Variants in MYO3A observed in about 807,000 individuals in gnomAD.
MYO3A encodes myosin-IIIa.
In MYO3A, 180 loss-of-function variants were observed where a neutral mutation model predicts 192.7. The observed-to-expected ratio is 0.93, with a 90% CI of 0.83 to 1.06. The LOEUF (loss-of-function observed/expected upper bound fraction) is 1.06, where lower values mean the gene tolerates loss of function less well. Ranked by LOEUF, MYO3A falls within the 50% of genes least tolerant of loss-of-function variation. The pLI is 0.00. For missense variants in MYO3A, 1,896 were observed against 1,905.0 expected, an observed-to-expected ratio of 1.00 and a Z score of 0.09; for synonymous variants, 628 against 645.3, an observed-to-expected ratio of 0.97 and a Z score of 0.41.
intron 6 of MYO3A, among the ~76,000 whole-genome samples, chr10:26,010,054 A>G (rs985303580): frequency 6.6e-6 from 1 of 152,246 alleles, no homozygotes; most frequent in South Asian, 2.1e-4. Flanking sequence ...TGATGCAGAC[A>G]GAGCTAGGTG....
At chr10:26,068,402 A>C (rs1306047983) in intron 11 of MYO3A, among the ~76,000 whole-genome samples, 1 of 152,176 alleles carries the variant, frequency 6.6e-6, no homozygotes, top group Non-Finnish European at 1.5e-5. Context: ...ATTTGGAATT[A>C]AATCATATTC....
chr10:25,994,134 T>C (rs577489305), intron 4 of MYO3A, among the ~76,000 whole-genome samples: 7 of 152,262 alleles, frequency 4.6e-5, no homozygotes, highest in Non-Finnish European at 1.0e-4. Flanking sequence ...CCCATTATTA[T>C]TGTGTGGGAG....
rs1254284826 is a variant in MYO3A, at chr10:26,016,671, G to C, written c.509-149G>C. The C allele has an allele frequency of 3.9e-6, 3 of 768,720 alleles. No homozygotes were observed. In the African/African-American group the frequency reaches 5.2e-5, roughly 13 times the overall value. The allele number at this position is 768,720 out of a possible 1,614,324, so 47.6% of individuals were successfully genotyped here. On this transcript the variant is annotated intron_variant, in intron 6 of 34. Coordinates refer to ENST00000642920, the MANE Select transcript of MYO3A (RefSeq NM_017433.5). The stretch of plus-strand genomic sequence containing the variant: ...TGGTTTTTGGCTCTGCAGAAATCCT[G>C]ATTTAGGATCCTTTAATGTGACACT...
At chr10:26,115,218 T>A (rs1392148968) in intron 17 of MYO3A, among the ~76,000 whole-genome samples, 3 of 152,120 alleles carry the variant, frequency 2.0e-5, no homozygotes, top group African/African-American at 7.2e-5. Flanking sequence ...CTGACAGCCG[T>A]GTGGAAGACG....
At chr10:26,163,755 G>A (rs893766195) in intron 26 of MYO3A, among the ~76,000 whole-genome samples, 2 of 152,168 alleles carry the variant, frequency 1.3e-5, no homozygotes, top group African/African-American at 4.8e-5. Flanking sequence ...TCAACAGTTA[G>A]GGTTGATGGT....
intron 2 of MYO3A, among the ~76,000 whole-genome samples, chr10:25,951,139 G>C (rs1837186066): frequency 6.6e-6 from 1 of 152,064 alleles, no homozygotes; most frequent in Admixed American, 6.5e-5. Flanking sequence ...AATGATATCA[G>C]ATACATAAAT....
rs77096061 is a variant in MYO3A at position 26,147,622 on chromosome 10, G to A, written c.2635+63G>A. On this transcript the variant is annotated intron_variant, in intron 23 of 34. Transcript: ENST00000642920. Reference sequence around the variant, plus strand: ...CCAATCAAATAGTTTCTATCTCTGCGCTTTTCACTAATTTCATCCTTAATT... The same window carrying A: ...CCAATCAAATAGTTTCTATCTCTGCACTTTTCACTAATTTCATCCTTAATT... 1.5e-5 allele frequency: 24 copies of A among 1,607,096 alleles called. No individual in the cohort carries two copies. The South Asian group carries it at 1.6e-4, about 11-fold the overall frequency.
At chr10:26,014,681 G>A (rs1841884115) in intron 6 of MYO3A, among the ~76,000 whole-genome samples, 1 of 152,026 alleles carries the variant, frequency 6.6e-6, no homozygotes, top group Non-Finnish European at 1.5e-5. Context: ...CTATCACAGT[G>A]TCTTAACCTC....
intron 30 of MYO3A, among the ~76,000 whole-genome samples, chr10:26,174,957 T>A (rs1232118768): frequency 6.6e-6 from 1 of 152,136 alleles, no homozygotes. Context: ...TGAGAAGACA[T>A]AATTAGGTAT....
chr10:26,002,893 A>C (rs183447082), intron 6 of MYO3A, among the ~76,000 whole-genome samples: 1 of 152,260 alleles, frequency 6.6e-6, no homozygotes. Flanking sequence ...ACCAGTTGTC[A>C]GACTTCACTG....
intron 6 of MYO3A, among the ~76,000 whole-genome samples, chr10:26,006,596 C>T (rs982909266): frequency 2.2e-4 from 33 of 152,248 alleles, no homozygotes; most frequent in African/African-American, 7.0e-4. Flanking sequence ...GAGAATAGTA[C>T]AAACACCTCT....
At chr10:26,179,076 C>G (rs1327867963) in intron 31 of MYO3A, among the ~76,000 whole-genome samples, 1 of 148,474 alleles carries the variant, frequency 6.7e-6, no homozygotes, top group Non-Finnish European at 1.5e-5. Flanking sequence ...GGGATTACAC[C>G]GTGCCCAGCC....
chr10:26,171,646 C>A (rs1054828672), intron 29 of MYO3A, among the ~76,000 whole-genome samples: 1 of 152,088 alleles, frequency 6.6e-6, no homozygotes, highest in Non-Finnish European at 1.5e-5. Flanking sequence ...TTGTGAGGAT[C>A]CAAATGATTT....
rs535264383 is a variant in MYO3A, at chr10:26,063,240, A to G, written c.954-3735A>G. On this transcript the variant is annotated intron_variant, in intron 10 of 34. Transcript: ENST00000642920. ...ACAGTCCAAAGAAGTGTGATTGGAG[A>G]GAATTTTTTGTTTTCATATTTTATT... Among the ~76,000 whole-genome samples, 77 of 152,266 alleles carry G rather than the reference A, an allele frequency of 5.1e-4. No individual in the cohort carries two copies. In the Middle Eastern group the frequency reaches 0.017, roughly 34 times the overall value.
At chr10:26,200,459 T>C (rs1843630907) in intron 32 of MYO3A, among the ~76,000 whole-genome samples, 2 of 152,186 alleles carry the variant, frequency 1.3e-5, no homozygotes, top group Non-Finnish European at 2.9e-5. Flanking sequence ...TTTCTCAGCC[T>C]AAAAGACAAA....
intron 10 of MYO3A, among the ~76,000 whole-genome samples, chr10:26,036,392 A>C (rs984120298): frequency 5.9e-5 from 9 of 152,178 alleles, no homozygotes; most frequent in African/African-American, 2.2e-4. Context: ...AATCATCAAC[A>C]TAGTGATGTT....
chr10:26,139,233 T>C (rs188170098), intron 20 of MYO3A, among the ~76,000 whole-genome samples: 12 of 152,246 alleles, frequency 7.9e-5, no homozygotes, highest in Non-Finnish European at 1.5e-5. Flanking sequence ...CAAAAATAGA[T>C]TAAAAATATA....
At chr10:26,206,122 A>G (rs148843806) in intron 34 of MYO3A, among the ~76,000 whole-genome samples, 106 of 149,678 alleles carry the variant, frequency 7.1e-4, no homozygotes, top group African/African-American at 2.5e-3. Context: ...GTTCAGTGGC[A>G]TGATCTCAGC....
At chr10:26,007,117 C>T (rs1387059897) in intron 6 of MYO3A, among the ~76,000 whole-genome samples, 1 of 148,434 alleles carries the variant, frequency 6.7e-6, no homozygotes, top group Non-Finnish European at 1.5e-5. Context: ...ATCAACAGAA[C>T]CGAAGACAAA....
Sources: allele counts gnomAD v4.1 joint callset (sites outside exome capture counted in the v4.1 genomes callset), GRCh38; gene constraint gnomAD v4.1.1; transcripts MANE v1.5; gene names NCBI Gene and HGNC (gene_info 2026-07-23, HGNC 2026-07-21).